The following MBD5 variants were observed in gnomAD, a reference collection of about 807,000 sequenced individuals.
The protein encoded by MBD5 is methyl-CpG-binding domain protein 5.
A neutral mutation model predicts 117.3 loss-of-function variants in MBD5; 13 were observed. That is an observed-to-expected ratio of 0.11 (90% confidence interval 0.07 to 0.18). The LOEUF is 0.18. Ranked by LOEUF, MBD5 falls within the 10% of genes least tolerant of loss-of-function variation. The pLI, the probability that MBD5 is intolerant of heterozygous loss-of-function variation, is 1.00. For missense variants in MBD5, 1,879 were observed against 2,093.8 expected, an observed-to-expected ratio of 0.90 and a Z score of 2.00; for synonymous variants, 727 against 766.4, an observed-to-expected ratio of 0.95 and a Z score of 0.85.
intron 1 of MBD5, among the ~76,000 whole-genome samples, chr2:148,068,396 G>A (rs758859287): frequency 6.6e-6 from 1 of 152,170 alleles, no homozygotes. Context: ...AACCTAAGGA[G>A]ACCTCTTAGT....
Position 148,068,207 on chromosome 2 carries a change from G to GA in MBD5, c.-925+46531dup, listed in dbSNP as rs148363482. Among the ~76,000 whole-genome samples, 899 of 152,008 alleles carry GA rather than the reference G, an allele frequency of 5.9e-3. 9 individuals carry two copies. Among genetic ancestry groups the GA allele is most frequent in the African/African-American group, 0.021 (865 of 41,454 alleles). On this transcript the variant is annotated intron_variant, in intron 1 of 13. Coordinates refer to ENST00000642680, the MANE Select transcript of MBD5 (RefSeq NM_001378120.1). ...CCTAAGCTGCGATCTAAGAGGCCAG[G>GA]AAAAAAAAGCTCCTAGATAGCTATG... is the stretch of plus-strand genomic sequence containing the variant.
At chr2:148,247,376 A>G (rs1700362659) in intron 3 of MBD5, among the ~76,000 whole-genome samples, 1 of 152,226 alleles carries the variant, frequency 6.6e-6, no homozygotes, top group Admixed American at 6.5e-5. Flanking sequence ...CTTTAAAACA[A>G]ACATTGGCAA....
At chr2:148,174,659 A>G (rs1698339641) in intron 1 of MBD5, among the ~76,000 whole-genome samples, 3 of 152,028 alleles carry the variant, frequency 2.0e-5, no homozygotes, top group Non-Finnish European at 4.4e-5. Flanking sequence ...TACATTTCTC[A>G]AAAAAAGGCA....
intron 3 of MBD5, among the ~76,000 whole-genome samples, chr2:148,322,680 C>A (rs566958011): frequency 6.6e-6 from 1 of 152,052 alleles, no homozygotes; most frequent in African/African-American, 2.4e-5. Context: ...TACGGAATTG[C>A]TTTTGTTCCA....
chr2:148,180,338 T>TTATATATATATATA (rs1574101983), intron 2 of MBD5, among the ~76,000 whole-genome samples: 4 of 13,664 alleles, frequency 2.9e-4, no homozygotes, highest in Non-Finnish European at 7.8e-4. Context: ...TAAAAAAAAA[T>TTATATATATATATA]TATACATATA....
chr2:148,336,533 T>G (rs1436445443), intron 3 of MBD5, among the ~76,000 whole-genome samples: 2 of 152,088 alleles, frequency 1.3e-5, no homozygotes, highest in African/African-American at 4.8e-5. Flanking sequence ...ACTACCAGCA[T>G]GCACCACCAC....
At chr2:148,150,908 C>A (rs1331204015) in intron 1 of MBD5, among the ~76,000 whole-genome samples, 11 of 152,054 alleles carry the variant, frequency 7.2e-5, no homozygotes, top group Non-Finnish European at 1.3e-4. Flanking sequence ...TTGGCTTCCT[C>A]TTTTCCTAAT....
At position 148,514,116 on chromosome 2, in the gene MBD5, A is replaced by G. The variant is rs1036166951; in HGVS notation, c.*1175A>G. ...AATTTTTTTATCAGTATTGTGTAACATATCAGATTTATTTTATTTAAAGAA... is the reference window on the plus strand; with the variant it reads ...AATTTTTTTATCAGTATTGTGTAACGTATCAGATTTATTTTATTTAAAGAA... On this transcript the variant is annotated 3_prime_UTR_variant, in exon 14 of 14. Transcript: ENST00000642680. 1 of 152,326 alleles carries G rather than the reference A, an allele frequency of 6.6e-6. No individual in the cohort carries two copies. The highest frequency in any genetic ancestry group is 2.1e-4 in the South Asian group (1 of 4,830). The allele number at this position is 152,326 out of a possible 1,614,324, so 9.4% of individuals were successfully genotyped here.
At position 148,384,165 on chromosome 2, in the gene MBD5, C is replaced by A. The variant is rs545250490; in HGVS notation, c.-557+41829C>A. On this transcript the variant is annotated intron_variant, in intron 4 of 13. Coordinates refer to ENST00000642680, the MANE Select transcript of MBD5 (RefSeq NM_001378120.1). ...GCATTCAATTAGGAAAAGAGGAAGT[C>A]AAATTGTCCCTGTTTGCAGATGACA... Among the ~76,000 whole-genome samples, 4 of 152,236 alleles carry A rather than the reference C, an allele frequency of 2.6e-5. No homozygotes were observed. In the East Asian group the frequency reaches 7.7e-4, roughly 29 times the overall value.
At chr2:148,351,423 T>C (rs974131733) in intron 4 of MBD5, among the ~76,000 whole-genome samples, 13 of 152,068 alleles carry the variant, frequency 8.5e-5, no homozygotes, top group African/African-American at 2.9e-4. Flanking sequence ...TCATCCATAC[T>C]GTACAGGAAT....
At chr2:148,304,758 T>C (rs1279099823) in intron 3 of MBD5, among the ~76,000 whole-genome samples, 4 of 152,074 alleles carry the variant, frequency 2.6e-5, no homozygotes, top group Non-Finnish European at 5.9e-5. Flanking sequence ...TGAACTGACT[T>C]GACAGGGTTA....
At chr2:148,049,097 G>C (rs1343244659) in intron 1 of MBD5, among the ~76,000 whole-genome samples, 1 of 152,168 alleles carries the variant, frequency 6.6e-6, no homozygotes, top group African/African-American at 2.4e-5. Context: ...GCATTTTCCT[G>C]TGGTTGCTGG....
chr2:148,147,399 AC>A lies in MBD5; in HGVS notation c.-924-31298del, dbSNP rs538284411. Among the ~76,000 whole-genome samples, 226 of 149,058 alleles carry A rather than the reference AC, an allele frequency of 1.5e-3. 1 individual carries two copies. The Middle Eastern group carries it at 0.024, about 16-fold the overall frequency. On this transcript the variant is annotated intron_variant, in intron 1 of 13. Transcript: ENST00000642680. ...TGGGACTACAAGCATGCACCACCCC[AC>A]CCTGCTAATTTTTGTATTTTTAGTA...
At chr2:148,338,190 G>A (rs907843452) in intron 3 of MBD5, among the ~76,000 whole-genome samples, 1 of 152,120 alleles carries the variant, frequency 6.6e-6, no homozygotes, top group Non-Finnish European at 1.5e-5. Flanking sequence ...ACCTGAGATA[G>A]TTTTAAATGT....
Position 148,489,664 on chromosome 2 carries a change from A to C in MBD5, c.4032A>C (p.Thr1344=). 1 of 1,614,168 alleles carries C rather than the reference A, an allele frequency of 6.2e-7. No individual in the cohort carries two copies. Among genetic ancestry groups the C allele is most frequent in the East Asian group, 2.2e-5 (1 of 44,878 alleles). The change falls in exon 11 of 14, where the codon ACA becomes ACC. Residue 1344 remains threonine (T), a synonymous_variant. Coordinates refer to ENST00000642680, the MANE Select transcript of MBD5 (RefSeq NM_001378120.1). ...TCATCACCACTGCAGTCAACAGTAC[A>C]ACTCAGATCAGCCCCATTCCAGCTC... ...QVVITTAVNS[T]TQISPIPALS...
At chr2:148,441,483 A>G (rs1175597780) in intron 4 of MBD5, among the ~76,000 whole-genome samples, 4 of 151,880 alleles carry the variant, frequency 2.6e-5, no homozygotes, top group African/African-American at 9.7e-5. Flanking sequence ...TATGTGCCAC[A>G]TTTTCTTAAT....
chr2:148,427,863 G>A (rs1705854079), intron 4 of MBD5, among the ~76,000 whole-genome samples: 1 of 151,636 alleles, frequency 6.6e-6, no homozygotes, highest in African/African-American at 2.4e-5. Context: ...AAAGAGCTAT[G>A]TATGACAAAC....
At chr2:148,470,506 CT>C in intron 8 of MBD5, 45 bp downstream of exon 8, 1 of 1,480,298 alleles carries the variant, frequency 6.8e-7, no homozygotes, top group Non-Finnish European at 9.1e-7. Flanking sequence ...CTAAACTTTT[CT>C]ACTTTTTTAA....
At chr2:148,383,554 T>C (rs1276039951) in intron 4 of MBD5, among the ~76,000 whole-genome samples, 1 of 152,196 alleles carries the variant, frequency 6.6e-6, no homozygotes, top group East Asian at 1.9e-4. Context: ...CCATTCCTTC[T>C]GAAACTATTC....
Sources: allele counts gnomAD v4.1 joint callset (sites outside exome capture counted in the v4.1 genomes callset), GRCh38; gene constraint gnomAD v4.1.1; transcripts MANE v1.5; gene names NCBI Gene and HGNC (gene_info 2026-07-23, HGNC 2026-07-21).